The following SOX6 variants were observed in gnomAD, a reference collection of about 807,000 sequenced individuals.
The protein encoded by SOX6 is SRY-box transcription factor 6, also known as transcription factor SOX-6.
In SOX6, 11 loss-of-function variants were observed where a neutral mutation model predicts 97.8. The ratio of observed to expected loss-of-function variants is 0.11; its 90% CI spans 0.07 to 0.19. SOX6 has a LOEUF of 0.19. Among genes scored for constraint, SOX6 ranks in the 10% least tolerant of loss-of-function variants. The probability of loss-of-function intolerance (pLI) is 1.00; values close to 1 mark genes in which losing one functional copy is unlikely to be tolerated. For missense variants in SOX6, 810 were observed against 1,039.5 expected (o/e 0.78, Z 3.04); for synonymous variants, 360 against 371.4 (o/e 0.97, Z 0.35).
chr11:16,164,980 T>C (rs1387482058), intron 6 of SOX6, among the ~76,000 whole-genome samples: 1 of 152,220 alleles, frequency 6.6e-6, no homozygotes, highest in Non-Finnish European at 1.5e-5. Flanking sequence ...TGGTTCTTTT[T>C]ATCTATATTG....
At chr11:16,323,833 A>G (rs558358580) in intron 2 of SOX6, among the ~76,000 whole-genome samples, 5 of 152,256 alleles carry the variant, frequency 3.3e-5, no homozygotes, top group African/African-American at 1.2e-4. Context: ...AGAGCATACA[A>G]CAAAATTAAA....
At chr11:16,410,270 ATAAAG>A (rs1354736043) in intron 1 of SOX6, among the ~76,000 whole-genome samples, 4 of 152,234 alleles carry the variant, frequency 2.6e-5, no homozygotes, top group Non-Finnish European at 2.9e-5. Flanking sequence ...AAATAATAAA[ATAAAG>A]TAATGTCCAA....
intron 3 of SOX6, among the ~76,000 whole-genome samples, chr11:16,639,078 T>A (rs572011449): frequency 6.6e-6 from 1 of 151,378 alleles, no homozygotes; most frequent in Admixed American, 6.6e-5. Flanking sequence ...CTTTAATCCA[T>A]CTTAATTTTT....
chr11:16,106,168 A>G (rs1272929829), intron 7 of SOX6, among the ~76,000 whole-genome samples: 6 of 152,086 alleles, frequency 3.9e-5, no homozygotes, highest in Admixed American at 6.6e-5. Context: ...TATCAAAATT[A>G]CAACAACCTA....
intron 4 of SOX6, among the ~76,000 whole-genome samples, chr11:16,527,350 A>C (rs544867085): frequency 6.6e-6 from 1 of 152,060 alleles, no homozygotes; most frequent in Non-Finnish European, 1.5e-5. Context: ...TGGGAACAGT[A>C]TTTAATTGCT....
chr11:16,450,890 A>C (rs1471466141), intron 1 of SOX6, among the ~76,000 whole-genome samples: 1 of 152,332 alleles, frequency 6.6e-6, no homozygotes, highest in Admixed American at 6.5e-5. Context: ...TTTGTAGAAA[A>C]GAACACATGG....
intron 6 of SOX6, among the ~76,000 whole-genome samples, chr11:16,171,886 G>A (rs1332579022): frequency 2.0e-5 from 3 of 151,680 alleles, no homozygotes; most frequent in African/African-American, 7.3e-5. Context: ...TAAATCCTGC[G>A]ACCCAATAAA....
chr11:16,566,101 A>C (rs1847871418), intron 4 of SOX6, among the ~76,000 whole-genome samples: 1 of 151,704 alleles, frequency 6.6e-6, no homozygotes, highest in Non-Finnish European at 1.5e-5. Context: ...GTCTCAAAAA[A>C]AAAAAAAAAA....
At chr11:16,004,233 A>C (rs527891521) in intron 13 of SOX6, among the ~76,000 whole-genome samples, 21 of 152,162 alleles carry the variant, frequency 1.4e-4, no homozygotes, top group African/African-American at 5.1e-4. Context: ...TTTCAGGTTT[A>C]GAGAGATTAA....
At chr11:16,337,197 G>T (rs1054214070) in intron 2 of SOX6, among the ~76,000 whole-genome samples, 4 of 151,536 alleles carry the variant, frequency 2.6e-5, no homozygotes, top group Admixed American at 2.6e-4. Flanking sequence ...ATACTCTAAA[G>T]CAAAAGAAAA....
intron 4 of SOX6, among the ~76,000 whole-genome samples, chr11:16,509,983 T>C (rs1860851785): frequency 6.6e-6 from 1 of 152,098 alleles, no homozygotes; most frequent in Non-Finnish European, 1.5e-5. Flanking sequence ...TTTACGAATA[T>C]CTCTTTCATT....
chr11:16,710,799 C>T (rs1848173553), intron 3 of SOX6, among the ~76,000 whole-genome samples: 1 of 152,164 alleles, frequency 6.6e-6, no homozygotes, highest in Non-Finnish European at 1.5e-5. Flanking sequence ...TCAGGTTTGA[C>T]TATCTATCTA....
intron 12 of SOX6, among the ~76,000 whole-genome samples, chr11:16,043,366 G>T (rs1391452561): frequency 4.6e-5 from 7 of 152,080 alleles, no homozygotes; most frequent in Admixed American, 4.6e-4. Flanking sequence ...GAGCAGAATA[G>T]CTCATAAGGT....
chr11:16,273,359 T>C (rs1296970244), intron 3 of SOX6, among the ~76,000 whole-genome samples: 2 of 151,944 alleles, frequency 1.3e-5, no homozygotes, highest in African/African-American at 4.8e-5. Flanking sequence ...AGAAAAATAA[T>C]ATAGGGAAAG....
intron 13 of SOX6, among the ~76,000 whole-genome samples, chr11:16,003,821 G>A (rs776730136): frequency 2.6e-5 from 4 of 151,798 alleles, no homozygotes; most frequent in Non-Finnish European, 5.9e-5. Flanking sequence ...CCATAGTTGC[G>A]GTGTGGGACT....
intron 4 of SOX6, among the ~76,000 whole-genome samples, chr11:16,581,101 T>A (rs770604621): frequency 6.6e-6 from 1 of 152,142 alleles, no homozygotes; most frequent in Non-Finnish European, 1.5e-5. Flanking sequence ...ACTGGGTATA[T>A]AACCAAAGGA....
At chr11:16,084,853 G>A (rs1848543875) in intron 9 of SOX6, among the ~76,000 whole-genome samples, 1 of 152,166 alleles carries the variant, frequency 6.6e-6, no homozygotes, top group South Asian at 2.1e-4. Context: ...TCAGGAAATG[G>A]AGGCAGAGGT....
chr11:16,586,524 G>C (rs1848095250), intron 4 of SOX6, among the ~76,000 whole-genome samples: 1 of 152,106 alleles, frequency 6.6e-6, no homozygotes, highest in Non-Finnish European at 1.5e-5. Flanking sequence ...GCCTGGGCAA[G>C]ACAGTGAGAT....
intron 4 of SOX6, among the ~76,000 whole-genome samples, chr11:16,199,631 G>A (rs756543041): frequency 1.2e-4 from 19 of 152,104 alleles, no homozygotes; most frequent in Admixed American, 3.9e-4. Context: ...ATTAAAGTAC[G>A]CTGTTGGGAG....
Sources: allele counts gnomAD v4.1 joint callset (sites outside exome capture counted in the v4.1 genomes callset), GRCh38; gene constraint gnomAD v4.1.1; transcripts MANE v1.5; gene names NCBI Gene and HGNC (gene_info 2026-07-23, HGNC 2026-07-21).